ARHGAP10: variants seen among roughly 807,000 people sequenced by gnomAD.
ARHGAP10 encodes the protein rho GTPase-activating protein 10.
A neutral mutation model predicts 108.6 loss-of-function variants in ARHGAP10; 87 were observed. That is an observed-to-expected ratio of 0.80 (90% CI 0.67 to 0.96). The LOEUF (loss-of-function observed/expected upper bound fraction) is 0.96. Ranked by LOEUF, ARHGAP10 falls within the 40% of genes least tolerant of loss-of-function variation. ARHGAP10 has a pLI of 0.00. For missense variants in ARHGAP10, 939 were observed against 954.5 expected (o/e 0.98, Z 0.21); for synonymous variants, 347 against 341.1 (o/e 1.02, Z -0.19).
chr4:147,805,952 C>T lies in ARHGAP10; in HGVS notation c.155-16775C>T, dbSNP rs76227551. 4.2e-3 allele frequency among the ~76,000 whole-genome samples: 642 copies of T among 152,286 alleles called. 1 individual carries two copies. The highest frequency in any genetic ancestry group is 7.1e-3 in the Non-Finnish European group (484 of 68,040). On this transcript the variant is annotated intron_variant, in intron 1 of 22. Transcript: ENST00000336498. ...CTCAAATTTAAGATTATTTACTCTC[C>T]AACCCTGAAGGCTAAAAAGAAGCCC...
intron 19 of ARHGAP10, among the ~76,000 whole-genome samples, chr4:148,029,997 C>G (rs528968550): frequency 6.6e-6 from 1 of 151,366 alleles, no homozygotes; most frequent in African/African-American, 2.4e-5. Flanking sequence ...CTCAGCATCC[C>G]CCCCCCCACC....
intron 1 of ARHGAP10, among the ~76,000 whole-genome samples, chr4:147,789,284 T>C (rs1460167846): frequency 6.6e-6 from 1 of 152,200 alleles, no homozygotes; most frequent in Non-Finnish European, 1.5e-5. Context: ...TTGGTTGTGT[T>C]TTCCACATAT....
intron 10 of ARHGAP10, among the ~76,000 whole-genome samples, chr4:147,903,024 A>G (rs758611431): frequency 2.0e-5 from 3 of 152,156 alleles, no homozygotes; most frequent in African/African-American, 4.8e-5. Flanking sequence ...CCCTATGATC[A>G]AGTCACCTCC....
At chr4:147,743,970 A>G (rs541565519) in intron 1 of ARHGAP10, among the ~76,000 whole-genome samples, 1 of 152,338 alleles carries the variant, frequency 6.6e-6, no homozygotes, top group South Asian at 2.1e-4. Context: ...TATTTATGAC[A>G]GTGGTGGAGT....
chr4:148,067,286 T>C (rs1729929429), intron 22 of ARHGAP10, among the ~76,000 whole-genome samples: 1 of 152,256 alleles, frequency 6.6e-6, no homozygotes, highest in Non-Finnish European at 1.5e-5. Flanking sequence ...AAGCAGGGTT[T>C]ATCTGTGTGT....
chr4:147,779,320 T>C (rs1730432237), intron 1 of ARHGAP10, among the ~76,000 whole-genome samples: 1 of 152,110 alleles, frequency 6.6e-6, no homozygotes, highest in Admixed American at 6.5e-5. Flanking sequence ...TTGTGACTTG[T>C]ATGAAGCAGT....
At chr4:147,818,984 A>G (rs1364541055) in intron 1 of ARHGAP10, among the ~76,000 whole-genome samples, 4 of 152,250 alleles carry the variant, frequency 2.6e-5, no homozygotes, top group Non-Finnish European at 5.9e-5. Context: ...CTTATATTTT[A>G]AAATGAAGAA....
chr4:147,937,611 A>G (rs1261197284), intron 13 of ARHGAP10, among the ~76,000 whole-genome samples: 1 of 152,234 alleles, frequency 6.6e-6, no homozygotes, highest in Non-Finnish European at 1.5e-5. Context: ...ATGCACATGT[A>G]TATTCATTGC....
chr4:147,762,482 CAA>C (rs955553685), intron 1 of ARHGAP10, among the ~76,000 whole-genome samples: 1 of 147,350 alleles, frequency 6.8e-6, no homozygotes, highest in Non-Finnish European at 1.5e-5. Flanking sequence ...GGTGAACTAG[CAA>C]AAAAAAGATA....
intron 13 of ARHGAP10, among the ~76,000 whole-genome samples, chr4:147,920,630 C>T (rs898800992): frequency 1.3e-5 from 1 of 75,072 alleles, no homozygotes; most frequent in African/African-American, 2.7e-5. Context: ...ACGTGTTCAA[C>T]GTTGGTTACA....
chr4:148,065,790 T>C lies in ARHGAP10; in HGVS notation c.2272+1283T>C, dbSNP rs560363481. ...GATAGTTACCTTGGTAGAAGGTGTA[T>C]CTACTAGGATACCTTAGGCTGCAGG... On this transcript the variant is annotated intron_variant, in intron 22 of 22. Transcript: ENST00000336498. The C allele has an allele frequency of 4.6e-5, 7 of 152,280 alleles. No homozygotes were observed. The South Asian group carries it at 1.2e-3, about 27-fold the overall frequency. 9.4% of individuals were successfully genotyped at this position (152,280 alleles called of 1,614,324 possible).
chr4:147,738,621 AAAGC>A (rs1181242385), intron 1 of ARHGAP10, among the ~76,000 whole-genome samples: 1 of 152,216 alleles, frequency 6.6e-6, no homozygotes, highest in Non-Finnish European at 1.5e-5. Flanking sequence ...TAATACATGT[AAAGC>A]ATTTAGTATA....
intron 1 of ARHGAP10, 48 bp from the exon 2 acceptor site, chr4:147,822,679 T>G: frequency 6.5e-7 from 1 of 1,548,610 alleles, no homozygotes; most frequent in Non-Finnish European, 8.9e-7. Flanking sequence ...TCTTTTATGC[T>G]TTGACATAAA....
rs1246519636 is a variant in ARHGAP10 at position 147,857,638 on chromosome 4, ACT to A, written c.472_473del (p.Ser158ThrfsTer18). ...TTGAATTTATCAGCAAAAAAGAAAG[ACT>A]CACATTTACAAGAGGTATAATTTTT... is the stretch of plus-strand genomic sequence containing the variant. On this transcript the variant is annotated frameshift_variant, in exon 5 of 23. Coordinates refer to ENST00000336498, the MANE Select transcript of ARHGAP10 (RefSeq NM_024605.4). LOFTEE classifies it high-confidence loss of function. 1.3e-6 allele frequency: 2 copies of A among 1,488,724 alleles called. No homozygotes were observed. Among genetic ancestry groups the A allele is most frequent in the South Asian group, 1.4e-5 (1 of 71,716 alleles). 92.2% of individuals were successfully genotyped at this position (1,488,724 alleles called of 1,614,324 possible). A position where few individuals can be genotyped will look rare whatever the true frequency, so the allele number is the denominator to read the frequency against.
At chr4:147,854,724 A>G in intron 4 of ARHGAP10, 2 of 984,614 alleles carry the variant, frequency 2.0e-6, no homozygotes, top group Non-Finnish European at 2.4e-6. Flanking sequence ...CTATAATGAC[A>G]TTAAGAACAA....
intron 4 of ARHGAP10, among the ~76,000 whole-genome samples, chr4:147,851,233 C>A (rs1733865499): frequency 6.6e-6 from 1 of 150,710 alleles, no homozygotes; most frequent in Non-Finnish European, 1.5e-5. Context: ...CTCCAAATTT[C>A]TTTCCAAGAC....
intron 16 of ARHGAP10, among the ~76,000 whole-genome samples, chr4:147,964,784 C>T (rs1019640034): frequency 7.2e-5 from 11 of 152,050 alleles, no homozygotes; most frequent in African/African-American, 2.7e-4. Context: ...GAAAAGGCAC[C>T]GATTGCAGCC....
chr4:147,736,032 GAA>G (rs1280297841), intron 1 of ARHGAP10, among the ~76,000 whole-genome samples: 1 of 151,958 alleles, frequency 6.6e-6, no homozygotes, highest in African/African-American at 2.4e-5. Flanking sequence ...GTTCTTTAGA[GAA>G]AATTTTTTAA....
At chr4:147,860,402 A>G (rs1260391952) in intron 5 of ARHGAP10, among the ~76,000 whole-genome samples, 6 of 152,202 alleles carry the variant, frequency 3.9e-5, no homozygotes, top group East Asian at 1.9e-4. Flanking sequence ...AGATGGGGCC[A>G]CTGCACTCCA....
Sources: allele counts gnomAD v4.1 joint callset (sites outside exome capture counted in the v4.1 genomes callset), GRCh38; gene constraint gnomAD v4.1.1; transcripts MANE v1.5; gene names NCBI Gene and HGNC (gene_info 2026-07-23, HGNC 2026-07-21).